Variants in SUSD1 observed in about 807,000 individuals in gnomAD.
SUSD1 encodes the protein sushi domain containing 1.
In SUSD1, 65 loss-of-function variants were observed where a neutral mutation model predicts 86.9. That is an observed-to-expected ratio of 0.75 (90% confidence interval 0.61 to 0.92). The LOEUF is 0.92. SUSD1 is among the 40% of genes least tolerant of loss of function. The probability of loss-of-function intolerance (pLI) is 0.00; values close to 1 mark genes in which losing one functional copy is unlikely to be tolerated. For synonymous variants in SUSD1, 346 were observed against 350.0 expected, an observed-to-expected ratio of 0.99 and a Z score of 0.13; for missense variants, 850 against 929.7, an observed-to-expected ratio of 0.91 and a Z score of 1.11.
chr9:112,157,557 T>C lies in SUSD1; in HGVS notation c.160A>G (p.Lys54Glu). The change falls in exon 2 of 17, where the codon AAG becomes GAG. Residue 54 changes from lysine (K) to glutamate (E), a missense_variant. Transcript: ENST00000374270. ...CCATAGTTGCAAATACAGATCTTCT[T>C]CCCTTCTCTTTGCTGGCATGTGGCA... ...EHATCQQREG[K>E]KICICNYGFV... 2 of 1,614,170 alleles carry C rather than the reference T, an allele frequency of 1.2e-6. No individual in the cohort carries two copies. Among genetic ancestry groups the C allele is most frequent in the Non-Finnish European group, 1.7e-6 (2 of 1,180,014 alleles).
Position 112,142,375 on chromosome 9 carries a change from T to C in SUSD1, c.651A>G (p.Thr217=). The change falls in exon 5 of 17, where the codon ACA becomes ACG. Residue 217 remains threonine, a synonymous_variant. Transcript: ENST00000374270. ...REGFFSVPED[T]VSSCTGLGTW... ...TGCCCAGGCCTGTGCAGCTTGAAAC[T>C]GTATCTTCTGGAACACTGAAGAATC... The C allele has an allele frequency of 1.2e-6, 2 of 1,614,092 alleles. No homozygotes were observed. The highest frequency in any genetic ancestry group is 1.7e-6 in the Non-Finnish European group (2 of 1,179,988).
chr9:112,111,191 G>C (rs1246737520), intron 8 of SUSD1, among the ~76,000 whole-genome samples: 1 of 152,028 alleles, frequency 6.6e-6, no homozygotes, highest in African/African-American at 2.4e-5. Flanking sequence ...ATAAGGTTTT[G>C]CCATGTTGGC....
At chr9:112,067,776 G>C (rs1197591200) in intron 12 of SUSD1, among the ~76,000 whole-genome samples, 1 of 152,000 alleles carries the variant, frequency 6.6e-6, no homozygotes, top group Non-Finnish European at 1.5e-5. Context: ...GAAAGAGAAA[G>C]AGCTATTAAA....
intron 10 of SUSD1, among the ~76,000 whole-genome samples, chr9:112,084,004 C>T (rs1413241746): frequency 1.3e-5 from 2 of 152,132 alleles, no homozygotes; most frequent in African/African-American, 2.4e-5. Flanking sequence ...CCACTAGTGT[C>T]CGTAACTAAA....
Position 112,157,504 on chromosome 9 carries a change from A to C in SUSD1, c.213T>G (p.Cys71Trp), listed in dbSNP as rs756348590. The C allele has an allele frequency of 6.2e-7, 1 of 1,611,658 alleles. No individual in the cohort carries two copies. Residue 71 changes from cysteine to tryptophan, a missense_variant, in exon 2 of 17, where the codon TGT becomes TGG. By Grantham distance (215) the Cys-to-Trp change is radical. Transcript: ENST00000374270. ...AACCCAGAGTTCAGAACTTACCAAC[A>C]CACTGAGTCCTCCCGTTCCCTACAA... ...YGFVGNGRTQ[C>W]VDKNECQFGA...
chr9:112,171,529 G>A (rs1247047451), intron 1 of SUSD1, among the ~76,000 whole-genome samples: 2 of 152,184 alleles, frequency 1.3e-5, no homozygotes, highest in Admixed American at 6.5e-5. Context: ...TACTGGTGCT[G>A]TAAAGAGAAG....
chr9:112,076,165 T>G (rs535143845), intron 12 of SUSD1, among the ~76,000 whole-genome samples: 9 of 152,226 alleles, frequency 5.9e-5, no homozygotes, highest in Admixed American at 2.6e-4. Context: ...TCACTCTGAG[T>G]GCTGAGTGAT....
chr9:112,058,389 G>A, intron 14 of SUSD1, 39 bp downstream of exon 14: 2 of 1,592,042 alleles, frequency 1.3e-6, no homozygotes, highest in Non-Finnish European at 1.7e-6. Context: ...ATACGAAGAA[G>A]AAAATACAGA....
intron 15 of SUSD1, among the ~76,000 whole-genome samples, chr9:112,043,313 C>T (rs943230699): frequency 6.6e-6 from 1 of 152,158 alleles, no homozygotes; most frequent in Admixed American, 6.5e-5. Context: ...ACCCTGCACT[C>T]CATGGATCGG....
At position 112,162,231 on chromosome 9, in the gene SUSD1, T is replaced by C. The variant is rs554927378; in HGVS notation, c.104-4618A>G. ...ATCTGATAATATATGGTACACAATCTGATGATAAACATTTGGTTTGTTTTC... is the reference window on the plus strand; with the variant it reads ...ATCTGATAATATATGGTACACAATCCGATGATAAACATTTGGTTTGTTTTC... On this transcript the variant is annotated intron_variant, in intron 1 of 16. Transcript: ENST00000374270. Among the ~76,000 whole-genome samples, 5 of 152,332 alleles carry C rather than the reference T, an allele frequency of 3.3e-5. 1 individual carries two copies. In the South Asian group the frequency reaches 8.3e-4, roughly 25 times the overall value.
intron 15 of SUSD1, chr9:112,052,072 G>A: frequency 1.7e-6 from 2 of 1,184,532 alleles, no homozygotes; most frequent in East Asian, 4.1e-5. Flanking sequence ...CCTCTCACAT[G>A]TCCTACAGTA....
rs1428026278 is a variant in SUSD1, at chr9:112,041,305, T to C, written c.*187A>G. On this transcript the variant is annotated 3_prime_UTR_variant, in exon 17 of 17. Coordinates refer to ENST00000374270, the MANE Select transcript of SUSD1 (RefSeq NM_022486.5). ...TCAGAATTCCTGAGTTTTCTCCTTATGGTGACTCCTCAGGGATAGCCACCA... is the reference window on the plus strand; with the variant it reads ...TCAGAATTCCTGAGTTTTCTCCTTACGGTGACTCCTCAGGGATAGCCACCA... 4.7e-6 allele frequency: 3 copies of C among 641,178 alleles called. No homozygotes were observed. The African/African-American group carries it at 5.5e-5, about 12-fold the overall frequency. The allele number at this position is 641,178 out of a possible 1,614,324, so 39.7% of individuals were successfully genotyped here.
intron 5 of SUSD1, among the ~76,000 whole-genome samples, chr9:112,125,336 A>G (rs942129035): frequency 1.3e-5 from 2 of 152,194 alleles, no homozygotes; most frequent in African/African-American, 4.8e-5. Context: ...ACAATGTAAA[A>G]TAATAATAAA....
chr9:112,091,218 T>C (rs1830192096), intron 10 of SUSD1, among the ~76,000 whole-genome samples: 1 of 152,180 alleles, frequency 6.6e-6, no homozygotes, highest in South Asian at 2.1e-4. Context: ...GGCATAACTC[T>C]TCAACCACAG....
At chr9:112,127,331 CTA>C (rs1399817729) in intron 5 of SUSD1, among the ~76,000 whole-genome samples, 1 of 152,148 alleles carries the variant, frequency 6.6e-6, no homozygotes, top group Non-Finnish European at 1.5e-5. Flanking sequence ...TGAGATTGTG[CTA>C]CTGCACTCCA....
chr9:112,105,313 CAG>C (rs1311647454), intron 8 of SUSD1, among the ~76,000 whole-genome samples: 3 of 151,320 alleles, frequency 2.0e-5, no homozygotes, highest in African/African-American at 7.3e-5. Context: ...CAATTCCACA[CAG>C]GGGTATTTGA....
chr9:112,169,439 A>C (rs1833948790), intron 1 of SUSD1: 1 of 152,022 alleles, frequency 6.6e-6, no homozygotes, highest in Non-Finnish European at 1.5e-5. Flanking sequence ...AAGAACTCTC[A>C]ACCTTTCCTC....
intron 8 of SUSD1, among the ~76,000 whole-genome samples, chr9:112,110,429 C>A (rs1247355401): frequency 1.3e-5 from 2 of 151,992 alleles, no homozygotes; most frequent in Admixed American, 6.6e-5. Context: ...CAGGGTCTTG[C>A]CCCGTCACCC....
intron 1 of SUSD1, among the ~76,000 whole-genome samples, chr9:112,164,061 T>C (rs700109): frequency 0.16 from 25,079 of 152,086 alleles, 2,454 homozygotes; most frequent in East Asian, 0.28. Flanking sequence ...AATGGCTATT[T>C]CATGTAACTA....
Sources: allele counts gnomAD v4.1 joint callset (sites outside exome capture counted in the v4.1 genomes callset), GRCh38; gene constraint gnomAD v4.1.1; transcripts MANE v1.5; gene names NCBI Gene and HGNC (gene_info 2026-07-23, HGNC 2026-07-21).